TTC6: variants seen among roughly 807,000 people sequenced by gnomAD.
TTC6 encodes the protein tetratricopeptide repeat domain 6, also known as tetratricopeptide repeat protein 6.
TTC6 carries 172 observed loss-of-function variants against 210.4 expected under a neutral mutation model. That is an observed-to-expected ratio of 0.82 (90% CI 0.72 to 0.93). The LOEUF (loss-of-function observed/expected upper bound fraction) is 0.93, where lower values mean the gene tolerates loss of function less well. TTC6 is among the 40% of genes least tolerant of loss of function. The pLI, the probability that TTC6 is intolerant of heterozygous loss-of-function variation, is 0.00. For missense variants in TTC6, 2,414 were observed against 2,318.1 expected, an observed-to-expected ratio of 1.04 and a Z score of -0.85; for synonymous variants, 804 against 819.6, an observed-to-expected ratio of 0.98 and a Z score of 0.32.
intron 7 of TTC6, among the ~76,000 whole-genome samples, chr14:37,729,747 G>A (rs1013146269): frequency 3.3e-5 from 5 of 151,982 alleles, no homozygotes; most frequent in East Asian, 1.9e-4. Flanking sequence ...TACTGTTGGC[G>A]TCTACTTCTA....
intron 5 of TTC6, among the ~76,000 whole-genome samples, chr14:37,704,248 T>A (rs2095831097): frequency 2.0e-5 from 3 of 152,080 alleles, no homozygotes; most frequent in Middle Eastern, 3.4e-3. Flanking sequence ...AGACATAGAG[T>A]CTCACTATGT....
chr14:37,789,600 A>ATATATAT (rs1555400198), intron 15 of TTC6, among the ~76,000 whole-genome samples: 4 of 146,644 alleles, frequency 2.7e-5, no homozygotes, highest in African/African-American at 9.9e-5. Context: ...TTCCTCTTAT[A>ATATATAT]TATATATATA....
At chr14:37,605,799 A>G (rs759818298) in intron 1 of TTC6, among the ~76,000 whole-genome samples, 18 of 152,328 alleles carry the variant, frequency 1.2e-4, no homozygotes, top group Non-Finnish European at 2.4e-4. Flanking sequence ...CAAGAAAAAT[A>G]AATCCTTAAT....
chr14:37,790,507 C>A (rs142558082), intron 15 of TTC6, among the ~76,000 whole-genome samples: 34 of 152,214 alleles, frequency 2.2e-4, no homozygotes, highest in Admixed American at 6.5e-4. Context: ...GTTTGTGAAC[C>A]ACAATTGCCA....
exon 1 of TTC6, chr14:37,622,353 G>A: frequency 1.3e-6 from 2 of 1,531,204 alleles, no homozygotes; most frequent in South Asian, 1.2e-5. Context: ...GCTCGGAGGC[G>A]CGCCGCGTCC....
At chr14:37,816,043 T>C (rs2139455537) in intron 25 of TTC6, among the ~76,000 whole-genome samples, 1 of 102,182 alleles carries the variant, frequency 9.8e-6, no homozygotes, top group Middle Eastern at 5.8e-3. Flanking sequence ...AAGTTTGCCT[T>C]AATTTTAGCA....
At chr14:37,622,705 A>G in exon 1 of TTC6, 3 of 1,535,074 alleles carry the variant, frequency 2.0e-6, no homozygotes, top group Non-Finnish European at 2.6e-6. Context: ...GAGGACGGCT[A>G]CATGGAGGCC....
At chr14:37,608,464 C>T (rs1365356405) in intron 2 of TTC6, among the ~76,000 whole-genome samples, 1 of 151,734 alleles carries the variant, frequency 6.6e-6, no homozygotes, top group African/African-American at 2.4e-5. Flanking sequence ...TTCATGCCAC[C>T]ACACCTGGCT....
chr14:37,721,199 G>A (rs2095861234), intron 6 of TTC6, among the ~76,000 whole-genome samples: 1 of 151,788 alleles, frequency 6.6e-6, no homozygotes, highest in African/African-American at 2.4e-5. Context: ...AAACTGTATT[G>A]ATGACTTTCA....
chr14:37,677,803 T>A (rs1448066542), intron 1 of TTC6, among the ~76,000 whole-genome samples: 1 of 152,188 alleles, frequency 6.6e-6, no homozygotes, highest in Non-Finnish European at 1.5e-5. Context: ...TTCTGCAATG[T>A]CTTTCTCTTC....
exon 1 of TTC6, chr14:37,622,481 C>G: frequency 6.5e-7 from 1 of 1,535,252 alleles, no homozygotes; most frequent in Non-Finnish European, 8.7e-7. Flanking sequence ...CCCCAGTCAT[C>G]GCCTCGGGGT....
chr14:37,732,694 C>T (rs1458638561), intron 7 of TTC6, among the ~76,000 whole-genome samples: 1 of 151,698 alleles, frequency 6.6e-6, no homozygotes, highest in African/African-American at 2.4e-5. Context: ...TCTCGGCTCA[C>T]TGCAAGCTCC....
intron 20 of TTC6, among the ~76,000 whole-genome samples, chr14:37,797,800 C>T (rs761018369): frequency 1.3e-5 from 2 of 151,744 alleles, no homozygotes; most frequent in African/African-American, 2.4e-5. Context: ...CATTTAAGAC[C>T]CTACTCTATC....
chr14:37,724,988 T>C, exon 7 of TTC6: 1 of 1,512,594 alleles, frequency 6.6e-7, no homozygotes, highest in Middle Eastern at 1.7e-4. Context: ...GGAAACTCTA[T>C]ATCCAAAATA....
At chr14:37,808,711 A>G (rs762065682) in intron 23 of TTC6, 22 bp from the exon 26 acceptor site, 1 of 1,218,934 alleles carries the variant, frequency 8.2e-7, no homozygotes, top group African/African-American at 1.6e-5. Flanking sequence ...CCTTTCTCAC[A>G]TAATTACTTT....
At chr14:37,796,404 C>A in intron 19 of TTC6, 34 bp downstream of exon 21, 1 of 897,032 alleles carries the variant, frequency 1.1e-6, no homozygotes, top group Non-Finnish European at 1.7e-6. Context: ...TTAAGAAATA[C>A]TTCTTTAAAA....
At chr14:37,783,584 C>T (rs1323091059) in intron 14 of TTC6, among the ~76,000 whole-genome samples, 3 of 151,984 alleles carry the variant, frequency 2.0e-5, no homozygotes, top group African/African-American at 4.8e-5. Context: ...AAAAATAGCT[C>T]CTGGATTCAT....
intron 20 of TTC6, among the ~76,000 whole-genome samples, chr14:37,804,120 T>G (rs896601783): frequency 1.3e-5 from 2 of 152,168 alleles, no homozygotes; most frequent in Admixed American, 6.5e-5. Flanking sequence ...TTAATGAGAG[T>G]TTGAACATTT....
At chr14:37,717,766 A>G (rs1244925372) in intron 6 of TTC6, among the ~76,000 whole-genome samples, 1 of 152,120 alleles carries the variant, frequency 6.6e-6, no homozygotes, top group Admixed American at 6.5e-5. Context: ...AAAAAGAAAG[A>G]AAGAAAGAAA....
Sources: allele counts gnomAD v4.1 joint callset (sites outside exome capture counted in the v4.1 genomes callset), GRCh38; gene constraint gnomAD v4.1.1; transcripts MANE v1.5; gene names NCBI Gene and HGNC (gene_info 2026-07-23, HGNC 2026-07-21).